Variants in MFSD12 observed in about 807,000 individuals in gnomAD.
MFSD12 encodes the protein major facilitator superfamily domain containing 12, also known as major facilitator superfamily domain-containing protein 12.
MFSD12 carries 67 observed loss-of-function variants against 51.2 expected under a neutral mutation model. That is an observed-to-expected ratio of 1.31 (90% CI 1.08 to 1.60). The LOEUF is 1.60. MFSD12 is among the 40% of genes most tolerant of loss of function. The pLI is 0.00. For missense variants in MFSD12, 921 were observed against 673.0 expected (o/e 1.37, Z -4.08); for synonymous variants, 441 against 316.7 (o/e 1.39, Z -4.17).
intron 2 of MFSD12, among the ~76,000 whole-genome samples, chr19:3,549,505 C>CT (rs1245513296): frequency 2.6e-5 from 4 of 151,000 alleles, no homozygotes; most frequent in Admixed American, 6.6e-5. Context: ...AGGCAGATCA[C>CT]TGAGGTCAGG....
downstream of MFSD12, chr19:3,544,173 C>T (rs1389417266): frequency 7.3e-7 from 1 of 1,372,442 alleles, no homozygotes; most frequent in Non-Finnish European, 9.4e-7. Flanking sequence ...GCCCAGAGCC[C>T]CCCCGCAGGC....
chr19:3,551,194 C>G lies in MFSD12; in HGVS notation c.299G>C (p.Gly100Ala). Residue 100 changes from glycine to alanine, a missense_variant and splice_region_variant, in exon 2 of 10, where the codon GGC becomes GCC. Gly to Ala is a moderately conservative substitution (Grantham distance 60). Coordinates refer to ENST00000355415, the MANE Select transcript of MFSD12 (RefSeq NM_174983.5). This position sits in a 1 kb window ranked among gnomAD's most constrained non-coding sequence, Gnocchi z 4.6. ...GAAGGACAGCAGGACGCAGACGGTGCCTGTGGAAGGCAGAGTGGTCAGTCG... is the reference window on the plus strand; with the variant it reads ...GAAGGACAGCAGGACGCAGACGGTGGCTGTGGAAGGCAGAGTGGTCAGTCG... ...YGPRKAWHLV[G>A]TVCVLLSFPF... 3 of 1,600,494 alleles carry G rather than the reference C, an allele frequency of 1.9e-6. No individual in the cohort carries two copies. Among genetic ancestry groups the G allele is most frequent in the Non-Finnish European group, 2.6e-6 (3 of 1,173,518 alleles).
intron 2 of MFSD12, among the ~76,000 whole-genome samples, chr19:3,548,929 T>G (rs2031289230): frequency 6.7e-6 from 1 of 150,280 alleles, no homozygotes; most frequent in Non-Finnish European, 1.5e-5. Flanking sequence ...AATCTGGGGG[T>G]GGGGAGGAGC....
At chr19:3,545,775 C>T (rs76486725) in intron 8 of MFSD12, among the ~76,000 whole-genome samples, 6 of 152,324 alleles carry the variant, frequency 3.9e-5, no homozygotes, top group Admixed American at 3.9e-4. Flanking sequence ...ATGTCTGAAC[C>T]CTGAGTTCTG....
chr19:3,546,305 T>TGGTGGC lies in MFSD12; in HGVS notation c.1138_1143dup (p.Ala380_Thr381dup), dbSNP rs1265641020. ...GTCATGGCCAGCGAGGTGACGAGGA[T>TGGTGGC]GGTGGCACAGCCAGCACCCAGCAGC... On this transcript the variant is annotated inframe_insertion, in exon 7 of 10. Coordinates refer to ENST00000355415, the MANE Select transcript of MFSD12 (RefSeq NM_174983.5). 8.1e-6 allele frequency: 13 copies of TGGTGGC among 1,609,886 alleles called. No individual in the cohort carries two copies. The highest frequency in any genetic ancestry group is 1.1e-5 in the Non-Finnish European group (13 of 1,179,014).
intron 2 of MFSD12, among the ~76,000 whole-genome samples, chr19:3,550,282 C>T (rs1334635564): frequency 1.3e-5 from 2 of 152,154 alleles, no homozygotes; most frequent in Non-Finnish European, 2.9e-5. Flanking sequence ...AGTGTGGTGG[C>T]TCATGCCTGT....
Position 3,544,836 on chromosome 19 carries a change from G to A in MFSD12, c.1393C>T (p.Leu465=), listed in dbSNP as rs756434761. The A allele has an allele frequency of 2.5e-5, 41 of 1,612,464 alleles. No individual in the cohort carries two copies. The South Asian group carries it at 4.3e-4, about 17-fold the overall frequency. ...CGTCGCAGGCGGGTCGGCCACAGCA[G>A]GAGGCTACAGAGACACAGGGCAGCG... ...VAAALCLCSL[L]LWPTRLRRWD... is the part of the protein sequence containing the mutation. Residue 465 remains leucine (L), a synonymous_variant, in exon 9 of 10, where the codon CTG becomes TTG. Transcript: ENST00000355415.
downstream of MFSD12, chr19:3,543,489 C>G (rs767395852): frequency 2.0e-6 from 3 of 1,520,942 alleles, no homozygotes; most frequent in African/African-American, 2.8e-5. Flanking sequence ...TGCCCCCCCC[C>G]CCGCCCTGGG....
At chr19:3,553,013 C>G (rs1166710433) in intron 1 of MFSD12, among the ~76,000 whole-genome samples, 1 of 152,170 alleles carries the variant, frequency 6.6e-6, no homozygotes, top group African/African-American at 2.4e-5. Context: ...CGGAGGTGAC[C>G]TCATCCCCAG....
Position 3,551,382 on chromosome 19 carries a change from G to A in MFSD12, c.299-188C>T, listed in dbSNP as rs1568261099. 2.0e-5 allele frequency among the ~76,000 whole-genome samples: 3 copies of A among 152,206 alleles called. No individual in the cohort carries two copies. The highest frequency in any genetic ancestry group is 4.4e-5 in the Non-Finnish European group (3 of 68,022). On this transcript the variant is annotated intron_variant, in intron 1 of 9. Coordinates refer to ENST00000355415, the MANE Select transcript of MFSD12 (RefSeq NM_174983.5). This position sits in a 1 kb window ranked among gnomAD's most constrained non-coding sequence, Gnocchi z 4.6. ...AGGCTTATGGCCCCTGGTGACAAAA[G>A]GGGAATCTGACACCAGGTGCCTGGG...
chr19:3,544,844 CAG>C lies in MFSD12; in HGVS notation c.1383_1384del (p.Cys462Ter). ...GCGGGTCGGCCACAGCAGGAGGCTA[CAG>C]AGACACAGGGCAGCGGCCACGCCCA... On this transcript the variant is annotated frameshift_variant, in exon 9 of 10. Coordinates refer to ENST00000355415, the MANE Select transcript of MFSD12 (RefSeq NM_174983.5). LOFTEE classifies it high-confidence loss of function. 3 of 1,612,504 alleles carry C rather than the reference CAG, an allele frequency of 1.9e-6. No individual in the cohort carries two copies. Among genetic ancestry groups the C allele is most frequent in the Non-Finnish European group, 2.5e-6 (3 of 1,179,702 alleles).
intron 2 of MFSD12, among the ~76,000 whole-genome samples, chr19:3,549,113 G>C (rs1237484184): frequency 6.6e-6 from 1 of 152,186 alleles, no homozygotes; most frequent in Non-Finnish European, 1.5e-5. Context: ...TTCATGTTAA[G>C]GGCCTATAAC....
chr19:3,548,053 C>A, intron 3 of MFSD12, 23 bp from the exon 4 acceptor site: 1 of 1,600,068 alleles, frequency 6.2e-7, no homozygotes, highest in South Asian at 1.1e-5. Context: ...CAGAAGCAGT[C>A]AGTGGTGGCG....
At chr19:3,550,432 C>T (rs556805661) in intron 2 of MFSD12, among the ~76,000 whole-genome samples, 7 of 151,876 alleles carry the variant, frequency 4.6e-5, no homozygotes, top group African/African-American at 1.4e-4. Flanking sequence ...CGCTCTGTCG[C>T]CCAGGCTGGA....
chr19:3,544,444 C>A lies in MFSD12; in HGVS notation c.*266G>T. 7.5e-7 allele frequency: 1 copy of A among 1,340,596 alleles called. No individual in the cohort carries two copies. Among genetic ancestry groups the A allele is most frequent in the Non-Finnish European group, 9.5e-7 (1 of 1,048,200 alleles). 83.0% of individuals were successfully genotyped at this position (1,340,596 alleles called of 1,614,324 possible). A position where few individuals can be genotyped will look rare whatever the true frequency, so the allele number is the denominator to read the frequency against. On this transcript the variant is annotated 3_prime_UTR_variant, in exon 10 of 10. Transcript: ENST00000355415. The stretch of plus-strand genomic sequence containing the variant: ...TGGGATTCCTACTTCCTGTTCCCTG[C>A]CGAGAGGGGCACCCCAAATCCTCCA...
chr19:3,542,835 C>T (rs775379418), downstream of MFSD12: 2 of 1,376,330 alleles, frequency 1.5e-6, no homozygotes, highest in Non-Finnish European at 1.9e-6. Context: ...CCCCAGACCA[C>T]TTCTTCCTGG....
Position 3,547,495 on chromosome 19 carries a change from T to C in MFSD12, c.890A>G (p.Tyr297Cys), listed in dbSNP as rs368440142. The C allele has an allele frequency of 7.6e-5, 122 of 1,612,946 alleles. No individual in the cohort carries two copies. The highest frequency in any genetic ancestry group is 1.0e-4 in the Non-Finnish European group (119 of 1,179,924). Residue 297 changes from tyrosine (Y) to cysteine (C), a missense_variant, in exon 5 of 10, where the codon TAC becomes TGC. Coordinates refer to ENST00000355415, the MANE Select transcript of MFSD12 (RefSeq NM_174983.5). The stretch of plus-strand genomic sequence containing the variant: ...CGAGTAGGTGAGGTACATGGCCATG[T>C]AGGTCTGGGACAGGTTCACGATGAG... ...TRLIVNLSQT[Y>C]MAMYLTYSLH...
Position 3,546,342 on chromosome 19 carries a change from G to A in MFSD12, c.1107C>T (p.Tyr369=), listed in dbSNP as rs11555328. 0.17 allele frequency: 280,639 copies of A among 1,606,754 alleles called. 26,503 individuals carry two copies. Among genetic ancestry groups the A allele is most frequent in the African/African-American group, 0.33 (25,067 of 74,982 alleles). ...ALAEGLGVAV[Y]AAAVLLGAGC... The stretch of plus-strand genomic sequence containing the variant: ...CAGCACCCAGCAGCACAGCCGCTGC[G>A]TACACGGCCACACCCAGTCCCTCCG... The change falls in exon 7 of 10, where the codon TAC becomes TAT. Residue 369 remains tyrosine (Y), a synonymous_variant. Transcript: ENST00000355415.
At chr19:3,539,559 G>A (rs2030188138), downstream of MFSD12, 1 of 420,486 alleles carries the variant, frequency 2.4e-6, no homozygotes, top group Non-Finnish European at 4.3e-6. Context: ...ATCCAGGCCT[G>A]TGCGGGGCTG....
Sources: gnomAD v4.1 joint callset for allele counts (sites outside exome capture counted in the v4.1 genomes callset) on GRCh38, gnomAD v4.1.1 for gene constraint, Gnocchi (gnomAD v3.1) non-coding constraint, MANE v1.5 for transcripts, NCBI Gene and HGNC (gene_info 2026-07-23, HGNC 2026-07-21) for gene names.